The following DSCC1 variants were observed in gnomAD, a reference collection of about 807,000 sequenced individuals.
DSCC1 encodes the protein sister chromatid cohesion protein DCC1.
A neutral mutation model predicts 48.2 loss-of-function variants in DSCC1; 32 were observed. That is an observed-to-expected ratio of 0.66 (90% CI 0.50 to 0.89). DSCC1 has a LOEUF of 0.89. DSCC1 is among the 40% of genes least tolerant of loss of function. DSCC1 has a pLI of 0.00. For synonymous variants in DSCC1, 150 were observed against 171.5 expected, an observed-to-expected ratio of 0.87 and a Z score of 0.98; for missense variants, 421 against 471.7, an observed-to-expected ratio of 0.89 and a Z score of 1.00.
chr8:119,840,709 C>T (rs1826754795), intron 7 of DSCC1, among the ~76,000 whole-genome samples: 2 of 152,066 alleles, frequency 1.3e-5, no homozygotes, highest in South Asian at 4.1e-4. Context: ...GTCAGGAGTT[C>T]GAGACCAGCC....
intron 3 of DSCC1, among the ~76,000 whole-genome samples, chr8:119,849,621 G>C (rs1826916425): frequency 6.6e-6 from 1 of 152,196 alleles, no homozygotes; most frequent in Non-Finnish European, 1.5e-5. Flanking sequence ...GAAGGTGACA[G>C]CTAAAGGCTA....
At chr8:119,837,540 G>A (rs1316136182) in intron 8 of DSCC1, among the ~76,000 whole-genome samples, 2 of 152,228 alleles carry the variant, frequency 1.3e-5, no homozygotes, top group Non-Finnish European at 2.9e-5. Flanking sequence ...AGCAAATCAT[G>A]CCTGGTGAGG....
chr8:119,847,438 G>A (rs1356501023), intron 3 of DSCC1, among the ~76,000 whole-genome samples: 1 of 152,154 alleles, frequency 6.6e-6, no homozygotes, highest in Admixed American at 6.5e-5. Context: ...CTTATCTGAG[G>A]TATTAAGAGC....
intron 4 of DSCC1, among the ~76,000 whole-genome samples, chr8:119,845,314 G>A (rs1045851190): frequency 4.6e-5 from 7 of 151,790 alleles, no homozygotes; most frequent in South Asian, 2.1e-4. Context: ...TCGAACTCCC[G>A]ACCTCAGGTG....
chr8:119,847,911 C>T (rs1262385995), intron 3 of DSCC1, among the ~76,000 whole-genome samples: 5 of 151,994 alleles, frequency 3.3e-5, no homozygotes, highest in Non-Finnish European at 5.9e-5. Flanking sequence ...GTGATCTGCC[C>T]GCCTTGGTCC....
chr8:119,851,995 A>G (rs1826948368), intron 2 of DSCC1, among the ~76,000 whole-genome samples: 2 of 152,330 alleles, frequency 1.3e-5, no homozygotes, highest in South Asian at 2.1e-4. Flanking sequence ...GTTAATTACA[A>G]TGAAAGACTT....
chr8:119,838,471 T>G, intron 7 of DSCC1, 64 bp from the exon 8 acceptor site: 1 of 1,445,400 alleles, frequency 6.9e-7, no homozygotes, highest in South Asian at 1.7e-5. Flanking sequence ...CATGACTCAT[T>G]CTTTTACCTT....
Position 119,850,518 on chromosome 8 carries a change from T to A in DSCC1, c.352-2A>T. ...ATAATTATTAGAAAAACCAAAGATC[T>A]AGAAATTATATATATCGTAACCTTT... On this transcript the variant is annotated splice_acceptor_variant, in intron 2 of 8. Coordinates refer to ENST00000313655, the MANE Select transcript of DSCC1 (RefSeq NM_024094.3). LOFTEE classifies it high-confidence loss of function. 1 of 1,547,450 alleles carries A rather than the reference T, an allele frequency of 6.5e-7. No homozygotes were observed. The highest frequency in any genetic ancestry group is 8.6e-7 in the Non-Finnish European group (1 of 1,160,362).
In DSCC1 at chr8:119,843,685, C is replaced by T; in HGVS notation, c.640G>A (p.Val214Met). ...CCAAAAGACCATGATTCAGAATCCACAAGCTGAGTTACATGATTCAGAAGT... is the reference window on the plus strand; with the variant it reads ...CCAAAAGACCATGATTCAGAATCCATAAGCTGAGTTACATGATTCAGAAGT... Reference protein sequence around the residue: ...MKLLNHVTQLVDSESWSFGKV... With the variant: ...MKLLNHVTQLMDSESWSFGKV... The change falls in exon 5 of 9, where the codon GTG becomes ATG. Residue 214 changes from valine to methionine, a missense_variant. Physicochemically the swap from Val to Met is conservative, Grantham distance 21 (BLOSUM62 1). Coordinates refer to ENST00000313655, the MANE Select transcript of DSCC1 (RefSeq NM_024094.3). 4 of 1,614,076 alleles carry T rather than the reference C, an allele frequency of 2.5e-6. No individual in the cohort carries two copies. Among genetic ancestry groups the T allele is most frequent in the Non-Finnish European group, 3.4e-6 (4 of 1,180,006 alleles).
At chr8:119,848,661 T>C (rs1371213286) in intron 3 of DSCC1, among the ~76,000 whole-genome samples, 1 of 152,238 alleles carries the variant, frequency 6.6e-6, no homozygotes, top group Non-Finnish European at 1.5e-5. Flanking sequence ...TAAAATCTTG[T>C]ATACGAATGT....
intron 8 of DSCC1, among the ~76,000 whole-genome samples, chr8:119,836,886 T>C (rs1008678119): frequency 8.5e-5 from 13 of 152,116 alleles, no homozygotes; most frequent in African/African-American, 2.4e-4. Flanking sequence ...AAGAGATGGT[T>C]TTCTCCCCTC....
chr8:119,854,808 T>C (rs959809239), intron 1 of DSCC1, among the ~76,000 whole-genome samples: 3 of 152,336 alleles, frequency 2.0e-5, no homozygotes, highest in South Asian at 4.1e-4. Flanking sequence ...TTGAGGTATA[T>C]AGCAGGTATC....
In DSCC1 at chr8:119,855,768, C is replaced by A; in HGVS notation, c.28G>T (p.Ala10Ser). 6.4e-7 allele frequency: 1 copy of A among 1,558,558 alleles called. No homozygotes were observed. The highest frequency in any genetic ancestry group is 2.4e-5 in the East Asian group (1 of 41,064). Residue 10 changes from alanine (A) to serine (S), a missense_variant, in exon 1 of 9, where the codon GCG (alanine) becomes TCG (serine). Ala to Ser is a moderately conservative substitution (Grantham distance 99). Transcript: ENST00000313655. ...TTCAGCTTGGCGATCTGCAGCGTCG[C>A]ATCCACCTCGTCGCGGGTCCTCTTC... MKRTRDEVD[A>S]TLQIAKLNAA...
At chr8:119,854,805 A>G (rs2131314573) in intron 1 of DSCC1, among the ~76,000 whole-genome samples, 1 of 152,366 alleles carries the variant, frequency 6.6e-6, no homozygotes, top group East Asian at 1.9e-4. Flanking sequence ...ACTTTGAGGT[A>G]TATAGCAGGT....
At chr8:119,847,163 A>G in intron 3 of DSCC1, 83 bp from the exon 4 acceptor site, 1 of 1,173,058 alleles carries the variant, frequency 8.5e-7, no homozygotes, top group Non-Finnish European at 1.2e-6. Context: ...GAATAAATAC[A>G]TAGAACAGAT....
chr8:119,837,749 G>T (rs1586574970), intron 8 of DSCC1, among the ~76,000 whole-genome samples: 2 of 152,210 alleles, frequency 1.3e-5, no homozygotes, highest in African/African-American at 4.8e-5. Context: ...AGCTAAGAAG[G>T]CCAGCCACAG....
chr8:119,847,984 GTTTT>G lies in DSCC1; in HGVS notation c.487-908_487-905del, dbSNP rs71505421. On this transcript the variant is annotated intron_variant, in intron 3 of 8. Coordinates refer to ENST00000313655, the MANE Select transcript of DSCC1 (RefSeq NM_024094.3). ...CTGGCCTCTTTTTGTTTTTGTTTTT[GTTTT>G]TTTTAAATACAGAGTCTCACTCTGC... Among the ~76,000 whole-genome samples the G allele has an allele frequency of 1.5e-3, 21 of 14,394 alleles. No individual in the cohort carries two copies. In the African/African-American group the frequency reaches 0.017, roughly 12 times the overall value. The allele number at this position is 14,394 out of a possible 152,430, so 9.4% of individuals were successfully genotyped here.
chr8:119,850,001 AT>A, intron 3 of DSCC1, among the ~76,000 whole-genome samples: 1 of 152,270 alleles, frequency 6.6e-6, no homozygotes, highest in East Asian at 1.9e-4. Flanking sequence ...TCTAGTCATA[AT>A]TTTAATTAAA....
Position 119,836,081 on chromosome 8 carries a change from G to A in DSCC1, c.1074-1080C>T, listed in dbSNP as rs139941652. On this transcript the variant is annotated intron_variant, in intron 8 of 8. Transcript: ENST00000313655. ...TAATCCCAGCACTTTAGGAGGCCAAGGTGGGCAGATCACTTGAGGTCAGGA... is the reference window on the plus strand; with the variant it reads ...TAATCCCAGCACTTTAGGAGGCCAAAGTGGGCAGATCACTTGAGGTCAGGA... Among the ~76,000 whole-genome samples, 1,377 of 152,362 alleles carry A rather than the reference G, an allele frequency of 9.0e-3. 20 individuals carry two copies. The highest frequency in any genetic ancestry group is 0.032 in the African/African-American group (1,313 of 41,580).
Sources: allele counts gnomAD v4.1 joint callset (sites outside exome capture counted in the v4.1 genomes callset), GRCh38; gene constraint gnomAD v4.1.1; transcripts MANE v1.5; gene names NCBI Gene and HGNC (gene_info 2026-07-23, HGNC 2026-07-21).